Variants in RAPGEF4 observed in about 807,000 individuals in gnomAD.
RAPGEF4 encodes the protein RAP guanine-nucleotide-exchange factor (GEF) 4.
Under a neutral mutation model 147.9 loss-of-function variants are expected in RAPGEF4, and 66 were observed. The observed-to-expected ratio is 0.45, with a 90% CI of 0.37 to 0.55. The LOEUF is 0.55. Among genes scored for constraint, RAPGEF4 ranks in the 20% least tolerant of loss-of-function variants. The probability of loss-of-function intolerance (pLI) is 0.00; values close to 1 mark genes in which losing one functional copy is unlikely to be tolerated. For synonymous variants in RAPGEF4, 419 were observed against 442.7 expected (o/e 0.95, Z 0.67); for missense variants, 1,071 against 1,257.3 (o/e 0.85, Z 2.24).
At chr2:172,788,871 G>T (rs552528473) in intron 1 of RAPGEF4, among the ~76,000 whole-genome samples, 23 of 152,162 alleles carry the variant, frequency 1.5e-4, no homozygotes, top group African/African-American at 5.3e-4. Context: ...TCCAGCCTGG[G>T]TGACAGAGTG....
At chr2:172,770,563 A>C (rs184615056) in intron 1 of RAPGEF4, among the ~76,000 whole-genome samples, 1 of 152,310 alleles carries the variant, frequency 6.6e-6, no homozygotes, top group African/African-American at 2.4e-5. Flanking sequence ...GTTGTGATAT[A>C]GTTGTTTACC....
At chr2:172,843,254 G>T (rs1018223131) in intron 4 of RAPGEF4, among the ~76,000 whole-genome samples, 1 of 152,172 alleles carries the variant, frequency 6.6e-6, no homozygotes, top group East Asian at 1.9e-4. Context: ...ACTTGGATAA[G>T]AGGAAAAGGG....
chr2:172,841,442 A>G (rs1440703023), intron 4 of RAPGEF4, among the ~76,000 whole-genome samples: 1 of 152,124 alleles, frequency 6.6e-6, no homozygotes, highest in Non-Finnish European at 1.5e-5. Context: ...TTCTTTATAA[A>G]CTACCCAGCC....
intron 1 of RAPGEF4, among the ~76,000 whole-genome samples, chr2:172,761,019 C>T (rs552276243): frequency 6.6e-6 from 1 of 150,442 alleles, no homozygotes; most frequent in South Asian, 2.1e-4. Flanking sequence ...GACACCTTAC[C>T]TATAGGGGAA....
intron 3 of RAPGEF4, among the ~76,000 whole-genome samples, chr2:172,804,087 C>G (rs1013572705): frequency 6.6e-6 from 1 of 151,858 alleles, no homozygotes; most frequent in African/African-American, 2.4e-5. Flanking sequence ...CACAGCCAAA[C>G]TGTATCAGTA....
intron 4 of RAPGEF4, among the ~76,000 whole-genome samples, chr2:172,909,773 C>A (rs547401697): frequency 6.6e-6 from 1 of 152,274 alleles, no homozygotes; most frequent in African/African-American, 2.4e-5. Flanking sequence ...GACTATTAAA[C>A]TTCTATAAAG....
At chr2:172,763,713 T>A (rs1309118402) in intron 1 of RAPGEF4, among the ~76,000 whole-genome samples, 1 of 152,226 alleles carries the variant, frequency 6.6e-6, no homozygotes, top group African/African-American at 2.4e-5. Flanking sequence ...ACCTGCAGAT[T>A]TCTCTGGCTA....
Position 172,789,710 on chromosome 2 carries a change from C to T in RAPGEF4, c.66-5315C>T, listed in dbSNP as rs566679524. On this transcript the variant is annotated intron_variant, in intron 1 of 30. Transcript: ENST00000397081. ...TAGAAACCTCATAAGTGGAAATATG[C>T]GGTATTTGTCTAAGACTGGTTTATT... Among the ~76,000 whole-genome samples, 159 of 152,234 alleles carry T rather than the reference C, an allele frequency of 1.0e-3. 1 individual carries two copies. Among genetic ancestry groups the T allele is most frequent in the African/African-American group, 3.4e-3 (141 of 41,538 alleles).
intron 2 of RAPGEF4, 88 bp downstream of exon 2, chr2:172,795,255 A>G: frequency 6.8e-6 from 9 of 1,323,474 alleles, no homozygotes; most frequent in Non-Finnish European, 8.4e-6. Flanking sequence ...CAAATGGAGT[A>G]TTTATGTGCT....
chr2:172,794,528 T>C (rs1048601366), intron 1 of RAPGEF4, among the ~76,000 whole-genome samples: 1 of 152,178 alleles, frequency 6.6e-6, no homozygotes, highest in Admixed American at 6.5e-5. Context: ...CAGTTCACCC[T>C]GATGCCCACC....
At chr2:172,890,295 T>C (rs1369701061) in intron 4 of RAPGEF4, among the ~76,000 whole-genome samples, 1 of 152,334 alleles carries the variant, frequency 6.6e-6, no homozygotes, top group East Asian at 1.9e-4. Context: ...GACAGCCATT[T>C]CCACAATTGT....
At chr2:173,041,775 T>C (rs1000645889) in intron 29 of RAPGEF4, among the ~76,000 whole-genome samples, 4 of 152,198 alleles carry the variant, frequency 2.6e-5, no homozygotes, top group African/African-American at 9.6e-5. Context: ...TGACCTGCCT[T>C]CTTCTCCTTT....
At chr2:172,843,066 A>T (rs146530435) in intron 4 of RAPGEF4, among the ~76,000 whole-genome samples, 42 of 152,320 alleles carry the variant, frequency 2.8e-4, no homozygotes, top group African/African-American at 9.6e-4. Context: ...CACAGTGATG[A>T]TGAACTAGAA....
chr2:172,750,040 A>T (rs965667425), intron 1 of RAPGEF4, among the ~76,000 whole-genome samples: 1 of 152,144 alleles, frequency 6.6e-6, no homozygotes, highest in Non-Finnish European at 1.5e-5. Context: ...TTATATCATT[A>T]TCAACATTTT....
chr2:172,794,970 C>T (rs1232108121), intron 1 of RAPGEF4, 55 bp from the exon 2 acceptor site: 1 of 1,497,388 alleles, frequency 6.7e-7, no homozygotes, highest in African/African-American at 1.4e-5. Context: ...CCTGTTGATT[C>T]ACTTTGAGGT....
intron 3 of RAPGEF4, among the ~76,000 whole-genome samples, chr2:172,800,629 G>A (rs1285506828): frequency 6.6e-6 from 1 of 152,162 alleles, no homozygotes; most frequent in African/African-American, 2.4e-5. Flanking sequence ...GTGGGGGCTG[G>A]CAGGTCTGAA....
At chr2:172,805,058 T>A (rs1038883363) in intron 3 of RAPGEF4, among the ~76,000 whole-genome samples, 1 of 152,210 alleles carries the variant, frequency 6.6e-6, no homozygotes, top group African/African-American at 2.4e-5. Context: ...GATAGTGGCA[T>A]GGATTCCTGC....
intron 16 of RAPGEF4, among the ~76,000 whole-genome samples, chr2:172,999,033 T>C (rs1340006135): frequency 6.6e-6 from 1 of 152,202 alleles, no homozygotes; most frequent in Non-Finnish European, 1.5e-5. Flanking sequence ...GTTTTTTTAA[T>C]TACTGTTCCT....
At chr2:172,746,233 G>A (rs1694752894) in intron 1 of RAPGEF4, among the ~76,000 whole-genome samples, 1 of 152,132 alleles carries the variant, frequency 6.6e-6, no homozygotes, top group African/African-American at 2.4e-5. Context: ...TTCTTGTTTG[G>A]CTATCATTTG....
Sources: gnomAD v4.1 joint callset for allele counts (sites outside exome capture counted in the v4.1 genomes callset) on GRCh38, gnomAD v4.1.1 for gene constraint, MANE v1.5 for transcripts, NCBI Gene and HGNC (gene_info 2026-07-23, HGNC 2026-07-21) for gene names.